The following CHST12 variants were observed in gnomAD, a reference collection of about 807,000 sequenced individuals.
CHST12 encodes carbohydrate sulfotransferase 12.
Under a neutral mutation model 27.9 loss-of-function variants are expected in CHST12, and 23 were observed. That is an observed-to-expected ratio of 0.82 (90% CI 0.59 to 1.17). The LOEUF is 1.17. CHST12 is among the 50% of genes most tolerant of loss of function. The pLI is 0.00. For missense variants in CHST12, 682 were observed against 603.0 expected (o/e 1.13, Z -1.37); for synonymous variants, 322 against 273.0 (o/e 1.18, Z -1.77).
intron 1 of CHST12, among the ~76,000 whole-genome samples, chr7:2,431,412 G>A (rs968020740): frequency 2.6e-5 from 4 of 152,220 alleles, no homozygotes; most frequent in East Asian, 3.8e-4. Context: ...ACCACCTCAC[G>A]CCATGTCATG....
chr7:2,430,613 C>T (rs1782248314), intron 1 of CHST12, among the ~76,000 whole-genome samples: 2 of 152,144 alleles, frequency 1.3e-5, no homozygotes, highest in Non-Finnish European at 2.9e-5. Context: ...CCACCATGCC[C>T]AGCCTAAATT....
intron 1 of CHST12, among the ~76,000 whole-genome samples, chr7:2,429,813 C>T (rs982417262): frequency 2.6e-5 from 4 of 151,954 alleles, no homozygotes; most frequent in African/African-American, 9.7e-5. Context: ...GGGTCTTGGT[C>T]TTGCTAAGAC....
intron 1 of CHST12, among the ~76,000 whole-genome samples, chr7:2,419,953 T>A (rs1185415092): frequency 6.8e-6 from 1 of 147,264 alleles, no homozygotes; most frequent in Non-Finnish European, 1.5e-5. Flanking sequence ...ACAAGTAGAA[T>A]CTTGAAATAT....
rs62444205 is a variant in CHST12 at position 2,439,901 on chromosome 7, G to A, written c.*6017G>A. 7.2e-5 allele frequency: 11 copies of A among 151,730 alleles called. No individual in the cohort carries two copies. Among genetic ancestry groups the A allele is most frequent in the Non-Finnish European group, 1.3e-4 (9 of 67,948 alleles). 9.4% of individuals were successfully genotyped at this position (151,730 alleles called of 1,614,324 possible). ...TCTCAAAAAAAAATTTTTTTTTTTGGTAGATACGGGGTCTTGCTTTGTCAC... is the reference window on the plus strand; with the variant it reads ...TCTCAAAAAAAAATTTTTTTTTTTGATAGATACGGGGTCTTGCTTTGTCAC... On this transcript the variant is annotated 3_prime_UTR_variant, in exon 2 of 2. Transcript: ENST00000618655.
In CHST12 at chr7:2,437,501, G is replaced by A. The variant is rs1031602625; in HGVS notation, c.*3617G>A. 1.3e-5 allele frequency: 2 copies of A among 152,244 alleles called. No homozygotes were observed. Among genetic ancestry groups the A allele is most frequent in the Non-Finnish European group, 2.9e-5 (2 of 68,056 alleles). 9.4% of individuals were successfully genotyped at this position (152,244 alleles called of 1,614,324 possible). ...CATTCGCTGATACTTACAACCCCCA[G>A]TGGATATTTAGTGGAGTTTGCTGTA... On this transcript the variant is annotated 3_prime_UTR_variant, in exon 2 of 2. Coordinates refer to ENST00000618655, the MANE Select transcript of CHST12 (RefSeq NM_018641.5).
Position 2,441,843 on chromosome 7 carries a change from CTG to C in CHST12, c.*7960_*7961del. 6.6e-6 allele frequency: 1 copy of C among 152,104 alleles called. No homozygotes were observed. The highest frequency in any genetic ancestry group is 3.4e-3 in the Middle Eastern group (1 of 294). The allele number at this position is 152,104 out of a possible 1,614,324, so 9.4% of individuals were successfully genotyped here. ...ATTGTGGTGGTGGTAATGGTTTTAA[CTG>C]GTGTTAATTTCAGTTCTTTTAAAAG... On this transcript the variant is annotated 3_prime_UTR_variant, in exon 2 of 2. Transcript: ENST00000618655.
rs1367882767 is a variant in CHST12 at position 2,433,177 on chromosome 7, C to T, written c.538C>T (p.Arg180Cys). 3.7e-6 allele frequency: 6 copies of T among 1,612,932 alleles called. No individual in the cohort carries two copies. The highest frequency in any genetic ancestry group is 5.1e-6 in the Non-Finnish European group (6 of 1,179,628). The change falls in exon 2 of 2, where the codon CGC becomes TGC. Residue 180 changes from arginine (R) to cysteine (C), a missense_variant. Physicochemically the swap from Arg to Cys is radical, Grantham distance 180 (BLOSUM62 -3). Transcript: ENST00000618655. This position sits in a 1 kb window ranked among gnomAD's most constrained non-coding sequence, Gnocchi z 6.1. ...CAAGGTGGCCTGCACCAACTGGAAGCGCGTGATGATCGTGCTGAGCGGAAG... is the reference window on the plus strand; with the variant it reads ...CAAGGTGGCCTGCACCAACTGGAAGTGCGTGATGATCGTGCTGAGCGGAAG... Reference protein sequence around the residue: ...VPKVACTNWKRVMIVLSGSLL... With the variant: ...VPKVACTNWKCVMIVLSGSLL...
intron 1 of CHST12, among the ~76,000 whole-genome samples, chr7:2,405,403 C>G (rs1187298453): frequency 6.6e-6 from 1 of 152,152 alleles, no homozygotes; most frequent in Non-Finnish European, 1.5e-5. Flanking sequence ...GACACTGGGC[C>G]TCTGCACTCC....
In CHST12 at chr7:2,447,507, C is replaced by T. The variant is rs1224596236; in HGVS notation, c.*13623C>T. On this transcript the variant is annotated 3_prime_UTR_variant, in exon 2 of 2. Coordinates refer to ENST00000618655, the MANE Select transcript of CHST12 (RefSeq NM_018641.5). The stretch of plus-strand genomic sequence containing the variant: ...GTTGTTGTTGAGACAGAGTCTTGCT[C>T]TGTCGCCCAGGCTGGAGTGCAGTGG... The T allele has an allele frequency of 6.6e-6, 1 of 152,370 alleles. No individual in the cohort carries two copies. The highest frequency in any genetic ancestry group is 1.5e-5 in the Non-Finnish European group (1 of 68,148). 9.4% of individuals were successfully genotyped at this position (152,370 alleles called of 1,614,324 possible).
At chr7:2,410,432 G>A (rs552564845) in intron 1 of CHST12, among the ~76,000 whole-genome samples, 109 of 152,312 alleles carry the variant, frequency 7.2e-4, no homozygotes, top group African/African-American at 2.2e-3. Context: ...AGGATGGCTT[G>A]AGCCCAGCAG....
chr7:2,428,830 T>G (rs1308851431), intron 1 of CHST12, among the ~76,000 whole-genome samples: 1 of 152,042 alleles, frequency 6.6e-6, no homozygotes, highest in African/African-American at 2.4e-5. Context: ...TTACAAACAA[T>G]CCATAGAAAC....
At chr7:2,429,658 G>A (rs957272043) in intron 1 of CHST12, among the ~76,000 whole-genome samples, 5 of 152,154 alleles carry the variant, frequency 3.3e-5, no homozygotes, top group Admixed American at 6.5e-5. Flanking sequence ...ATTTGTGGGC[G>A]TAAAATTGTT....
chr7:2,407,153 A>G (rs1434494370), intron 1 of CHST12, among the ~76,000 whole-genome samples: 1 of 152,222 alleles, frequency 6.6e-6, no homozygotes, highest in Non-Finnish European at 1.5e-5. Context: ...TGAGAGAAAA[A>G]AGAAACGGAA....
chr7:2,447,206 C>T lies in CHST12; in HGVS notation c.*13322C>T, dbSNP rs1027384986. On this transcript the variant is annotated 3_prime_UTR_variant, in exon 2 of 2. Coordinates refer to ENST00000618655, the MANE Select transcript of CHST12 (RefSeq NM_018641.5). ...GCAGGAAGACCCCATACAGCAGCGA[C>T]CACTGAGGCTGGTGCTGCACTTTCT... is the stretch of plus-strand genomic sequence containing the variant. The T allele has an allele frequency of 6.6e-6, 1 of 152,244 alleles. No homozygotes were observed. The highest frequency in any genetic ancestry group is 1.5e-5 in the Non-Finnish European group (1 of 68,062). 9.4% of individuals were successfully genotyped at this position (152,244 alleles called of 1,614,324 possible).
At chr7:2,408,298 G>A (rs1781573592) in intron 1 of CHST12, among the ~76,000 whole-genome samples, 1 of 148,988 alleles carries the variant, frequency 6.7e-6, no homozygotes. Context: ...GGAGGCGGAG[G>A]TAACGGTAAG....
chr7:2,439,837 G>T lies in CHST12; in HGVS notation c.*5953G>T, dbSNP rs373866009. ...GAGCTTGCAGTGAGCGGAGATTGGCGCCACTACACTCCAGCCTGGGCGACA... is the reference window on the plus strand; with the variant it reads ...GAGCTTGCAGTGAGCGGAGATTGGCTCCACTACACTCCAGCCTGGGCGACA... On this transcript the variant is annotated 3_prime_UTR_variant, in exon 2 of 2. Transcript: ENST00000618655. The T allele has an allele frequency of 6.6e-6, 1 of 151,868 alleles. No individual in the cohort carries two copies. The highest frequency in any genetic ancestry group is 1.5e-5 in the Non-Finnish European group (1 of 67,998). 9.4% of individuals were successfully genotyped at this position (151,868 alleles called of 1,614,324 possible).
chr7:2,422,958 C>T (rs943939673), intron 1 of CHST12, among the ~76,000 whole-genome samples: 6 of 149,560 alleles, frequency 4.0e-5, no homozygotes, highest in Non-Finnish European at 7.4e-5. Flanking sequence ...GTCCTGAAAA[C>T]TTGAACAGCA....
In CHST12 at chr7:2,447,317, G is replaced by A. The variant is rs895780174; in HGVS notation, c.*13433G>A. ...TCTTACATCAGCAAACCTTCTGTTC[G>A]GTGACCCCCTCAGTGACCCTCTGTG... On this transcript the variant is annotated 3_prime_UTR_variant, in exon 2 of 2. Transcript: ENST00000618655. 2.0e-5 allele frequency: 3 copies of A among 152,200 alleles called. No homozygotes were observed. Among genetic ancestry groups the A allele is most frequent in the African/African-American group, 4.8e-5 (2 of 41,432 alleles). 9.4% of individuals were successfully genotyped at this position (152,200 alleles called of 1,614,324 possible). A position where few individuals can be genotyped will look rare whatever the true frequency, so the allele number is the denominator to read the frequency against.
rs117090088 is a variant in CHST12, at chr7:2,447,828, A to C, written c.*13944A>C. The stretch of plus-strand genomic sequence containing the variant: ...AAACAAGTTTATTAACAAAGTTAAG[A>C]AATAAAGAATGGCTATTCCATAGGG... On this transcript the variant is annotated 3_prime_UTR_variant, in exon 2 of 2. Coordinates refer to ENST00000618655, the MANE Select transcript of CHST12 (RefSeq NM_018641.5). 0.11 allele frequency: 16,758 copies of C among 151,786 alleles called. 1,300 individuals are homozygous for C. Among genetic ancestry groups the C allele is most frequent in the Non-Finnish European group, 0.15 (10,126 of 67,920 alleles). The allele number at this position is 151,786 out of a possible 1,614,324, so 9.4% of individuals were successfully genotyped here.
Sources: allele counts gnomAD v4.1 joint callset (sites outside exome capture counted in the v4.1 genomes callset), GRCh38; gene constraint gnomAD v4.1.1; non-coding constraint Gnocchi (gnomAD v3.1); transcripts MANE v1.5; gene names NCBI Gene and HGNC (gene_info 2026-07-23, HGNC 2026-07-21).